SULF2: variants seen among roughly 807,000 people sequenced by gnomAD.
The protein encoded by SULF2 is extracellular sulfatase Sulf-2.
In SULF2, 52 loss-of-function variants were observed where a neutral mutation model predicts 107.7. That is an observed-to-expected ratio of 0.48 (90% CI 0.39 to 0.61). SULF2 has a LOEUF of 0.61. Ranked by LOEUF, SULF2 falls within the 20% of genes least tolerant of loss-of-function variation. The probability of loss-of-function intolerance (pLI) is 0.00; values close to 1 mark genes in which losing one functional copy is unlikely to be tolerated. For missense variants in SULF2, 993 were observed against 1,177.3 expected (o/e 0.84, Z 2.29); for synonymous variants, 460 against 464.3 (o/e 0.99, Z 0.12).
At chr20:47,659,563 GT>G in intron 19 of SULF2, 111 bp from the exon 20 acceptor site, 1 of 1,386,960 alleles carries the variant, frequency 7.2e-7, no homozygotes. Context: ...TCTTTGGTGG[GT>G]GATCCTGGTC....
chr20:47,734,365 A>G (rs2089681522), intron 3 of SULF2, among the ~76,000 whole-genome samples: 1 of 152,240 alleles, frequency 6.6e-6, no homozygotes, highest in Non-Finnish European at 1.5e-5. Context: ...GGGGGATTAA[A>G]AATTTACAGT....
intron 1 of SULF2, among the ~76,000 whole-genome samples, chr20:47,770,456 TGGGAGCAAAGA>T (rs1292656682): frequency 6.6e-6 from 1 of 151,790 alleles, no homozygotes; most frequent in Admixed American, 6.6e-5. Flanking sequence ...GATGACTAGG[TGGGAGCAAAGA>T]AGGGGCAAGA....
intron 7 of SULF2, among the ~76,000 whole-genome samples, chr20:47,679,905 AAG>A (rs2087768974): frequency 6.6e-6 from 1 of 150,916 alleles, no homozygotes; most frequent in South Asian, 2.1e-4. Context: ...CTTTCTCCTG[AAG>A]ACTTATCACC....
chr20:47,724,425 C>A (rs1426902448), intron 3 of SULF2, among the ~76,000 whole-genome samples: 1 of 152,178 alleles, frequency 6.6e-6, no homozygotes, highest in Non-Finnish European at 1.5e-5. Context: ...CAAGGCCCTG[C>A]TGACTGGTTG....
At chr20:47,660,728 C>T (rs1366334406) in intron 18 of SULF2, among the ~76,000 whole-genome samples, 7 of 152,130 alleles carry the variant, frequency 4.6e-5, no homozygotes, top group Non-Finnish European at 1.0e-4. Context: ...CCACCTCAGC[C>T]TTCCAAAGCC....
chr20:47,726,576 C>T (rs4810670), intron 3 of SULF2, among the ~76,000 whole-genome samples: 106,209 of 152,106 alleles, frequency 0.7, 37,810 homozygotes, highest in Middle Eastern at 0.87. Flanking sequence ...TTATCCAGTA[C>T]AGAACCCATG....
chr20:47,701,592 G>C (rs2088571283), intron 4 of SULF2, among the ~76,000 whole-genome samples: 1 of 152,216 alleles, frequency 6.6e-6, no homozygotes, highest in Non-Finnish European at 1.5e-5. Context: ...TAACAGAAAT[G>C]AGCCTCTATG....
At chr20:47,746,982 T>TA (rs61191776) in intron 2 of SULF2, among the ~76,000 whole-genome samples, 3,911 of 120,884 alleles carry the variant, frequency 0.032, 95 homozygotes, top group Non-Finnish European at 0.045. Flanking sequence ...CTTAAATAAA[T>TA]AAAAAAAAAA....
In SULF2 at chr20:47,678,187, C is replaced by G. The variant is rs1003718696; in HGVS notation, c.1193+489G>C. ...AAAGTTATGGGGCGTGGTGAGTCAG[C>G]ATCTGAATTCCCAGAGCTACATCCA... On this transcript the variant is annotated intron_variant, in intron 8 of 20. Transcript: ENST00000688720. The surrounding 1 kb of genome is among the most constrained non-coding windows in gnomAD (Gnocchi z 4.5). 4 of 155,250 alleles carry G rather than the reference C, an allele frequency of 2.6e-5. No homozygotes were observed. Among genetic ancestry groups the G allele is most frequent in the Admixed American group, 2.5e-4 (4 of 15,700 alleles). 9.6% of individuals were successfully genotyped at this position (155,250 alleles called of 1,614,324 possible).
At chr20:47,774,418 A>G (rs2090688474) in intron 1 of SULF2, among the ~76,000 whole-genome samples, 1 of 152,138 alleles carries the variant, frequency 6.6e-6, no homozygotes, top group African/African-American at 2.4e-5. Flanking sequence ...GTCCCTCATT[A>G]CCGCGCATGC....
At chr20:47,782,568 C>T (rs781009981) in intron 1 of SULF2, among the ~76,000 whole-genome samples, 1 of 152,196 alleles carries the variant, frequency 6.6e-6, no homozygotes, top group Non-Finnish European at 1.5e-5. Flanking sequence ...AGGGCCAGGC[C>T]ATCGAGACTC....
chr20:47,702,466 C>T, intron 4 of SULF2, 53 bp downstream of exon 4: 1 of 1,583,926 alleles, frequency 6.3e-7, no homozygotes, highest in Non-Finnish European at 8.6e-7. Flanking sequence ...TGAGTTGGGC[C>T]TCTAACTGCT....
intron 7 of SULF2, among the ~76,000 whole-genome samples, chr20:47,679,413 C>A (rs1015960824): frequency 6.6e-6 from 1 of 152,216 alleles, no homozygotes; most frequent in Non-Finnish European, 1.5e-5. Flanking sequence ...CAACCTGCAC[C>A]TGCTGCCAAC....
intron 17 of SULF2, 28 bp downstream of exon 17, chr20:47,663,042 C>T (rs1287792404): frequency 1.9e-6 from 3 of 1,613,800 alleles, no homozygotes; most frequent in Admixed American, 1.7e-5. Context: ...CCCCACACCC[C>T]CATCCCTCTA....
At chr20:47,729,121 A>C (rs2089526452) in intron 3 of SULF2, among the ~76,000 whole-genome samples, 1 of 152,250 alleles carries the variant, frequency 6.6e-6, no homozygotes. Flanking sequence ...AGACACGAGG[A>C]AAGTGCAGAC....
At chr20:47,780,992 C>T (rs1175300417) in intron 1 of SULF2, among the ~76,000 whole-genome samples, 1 of 152,252 alleles carries the variant, frequency 6.6e-6, no homozygotes, top group African/African-American at 2.4e-5. Flanking sequence ...CCCCCAGCAT[C>T]CAGGACCCTC....
intron 3 of SULF2, among the ~76,000 whole-genome samples, chr20:47,712,379 C>T (rs896420040): frequency 1.3e-5 from 2 of 152,246 alleles, no homozygotes; most frequent in African/African-American, 4.8e-5. Context: ...ACCGTGGCAC[C>T]TCAGGTCAGA....
chr20:47,743,521 G>A (rs142281726), intron 2 of SULF2, among the ~76,000 whole-genome samples: 1,940 of 152,294 alleles, frequency 0.013, 23 homozygotes, highest in Non-Finnish European at 0.017. Context: ...CGTTGCCCGG[G>A]CTGGTCTTGA....
chr20:47,761,449 A>G (rs1366934967), intron 1 of SULF2, among the ~76,000 whole-genome samples: 1 of 152,254 alleles, frequency 6.6e-6, no homozygotes, highest in South Asian at 2.1e-4. Flanking sequence ...ATTTTAAAAT[A>G]AAAACACAAA....
Sources: gnomAD v4.1 joint callset for allele counts (sites outside exome capture counted in the v4.1 genomes callset) on GRCh38, gnomAD v4.1.1 for gene constraint, Gnocchi (gnomAD v3.1) non-coding constraint, MANE v1.5 for transcripts, NCBI Gene and HGNC (gene_info 2026-07-23, HGNC 2026-07-21) for gene names.